Variants in GNAT3 observed in about 807,000 individuals in gnomAD.
GNAT3 encodes G protein subunit alpha transducin 3, also known as guanine nucleotide-binding protein G(t) subunit alpha-3.
A neutral mutation model predicts 37.7 loss-of-function variants in GNAT3; 31 were observed. That is an observed-to-expected ratio of 0.82 (90% CI 0.62 to 1.11). The LOEUF is 1.11. GNAT3 is among the 50% of genes most tolerant of loss of function. The pLI, the probability that GNAT3 is intolerant of heterozygous loss-of-function variation, is 0.00. For synonymous variants in GNAT3, 138 were observed against 139.8 expected, an observed-to-expected ratio of 0.99 and a Z score of 0.09; for missense variants, 437 against 412.5, an observed-to-expected ratio of 1.06 and a Z score of -0.51.
At chr7:80,495,241 A>G (rs556654724) in intron 1 of GNAT3, among the ~76,000 whole-genome samples, 5 of 152,134 alleles carry the variant, frequency 3.3e-5, no homozygotes, top group Non-Finnish European at 7.4e-5. Flanking sequence ...CTTTGGGTAC[A>G]TATGCTGTAG....
chr7:80,460,599 T>C (rs1401500798), intron 7 of GNAT3, among the ~76,000 whole-genome samples: 3 of 151,984 alleles, frequency 2.0e-5, no homozygotes, highest in Non-Finnish European at 4.4e-5. Flanking sequence ...AGTACAATAA[T>C]TAGCCGGGCG....
intron 5 of GNAT3, among the ~76,000 whole-genome samples, chr7:80,469,485 A>G (rs1425730009): frequency 1.3e-5 from 2 of 152,144 alleles, no homozygotes; most frequent in East Asian, 3.8e-4. Context: ...CTATAAAGAT[A>G]ATTTATTTTA....
chr7:80,488,619 A>G lies in GNAT3; in HGVS notation c.219T>C (p.Ile73=), dbSNP rs946515694. 1.3e-6 allele frequency: 2 copies of G among 1,592,052 alleles called. No individual in the cohort carries two copies. The highest frequency in any genetic ancestry group is 2.7e-5 in the African/African-American group (2 of 74,724). The change falls in exon 3 of 8, where the codon ATT becomes ATC. Residue 73 remains isoleucine (I), a synonymous_variant. Coordinates refer to ENST00000398291, the MANE Select transcript of GNAT3 (RefSeq NM_001102386.3). ...GGATGGATTGCAATGTATTACTGTA[A>G]ATTACTGCTTTGAACTCCATGCATT... is the stretch of plus-strand genomic sequence containing the variant. The part of the protein sequence containing the change: ...EQECMEFKAV[I]YSNTLQSILA...
chr7:80,460,077 G>A (rs1181057205), intron 7 of GNAT3, among the ~76,000 whole-genome samples: 1 of 152,128 alleles, frequency 6.6e-6, no homozygotes, highest in Admixed American at 6.5e-5. Context: ...GAGGAACCAA[G>A]ATGTCCTTCT....
At chr7:80,462,666 C>A (rs1164931282) in intron 5 of GNAT3, 35 bp from the exon 6 acceptor site, 1 of 1,565,202 alleles carries the variant, frequency 6.4e-7, no homozygotes. Flanking sequence ...ATAAATCTTG[C>A]AAATATCCTC....
intron 1 of GNAT3, among the ~76,000 whole-genome samples, chr7:80,498,908 T>C (rs918419327): frequency 3.3e-5 from 5 of 152,202 alleles, no homozygotes; most frequent in African/African-American, 1.2e-4. Context: ...AGGAATCCTG[T>C]TCTACATTTT....
intron 1 of GNAT3, among the ~76,000 whole-genome samples, chr7:80,499,571 G>A (rs1314635320): frequency 6.6e-6 from 1 of 152,106 alleles, no homozygotes; most frequent in Non-Finnish European, 1.5e-5. Flanking sequence ...ACTTTCAGAG[G>A]CATACTGGTA....
At chr7:80,484,327 T>C (rs942341018) in intron 3 of GNAT3, among the ~76,000 whole-genome samples, 1 of 152,116 alleles carries the variant, frequency 6.6e-6, no homozygotes, top group Non-Finnish European at 1.5e-5. Context: ...AAAAATACCA[T>C]GTTTTGTGGC....
chr7:80,461,894 A>G (rs903615964), intron 7 of GNAT3, among the ~76,000 whole-genome samples: 1 of 152,196 alleles, frequency 6.6e-6, no homozygotes, highest in Non-Finnish European at 1.5e-5. Flanking sequence ...TCAGGTTCCA[A>G]TGTCATTTGA....
intron 2 of GNAT3, among the ~76,000 whole-genome samples, chr7:80,493,247 G>A (rs1365629521): frequency 6.6e-6 from 1 of 152,034 alleles, no homozygotes; most frequent in East Asian, 1.9e-4. Context: ...GACAAGAGCA[G>A]GCAGATACTG....
chr7:80,472,313 A>G (rs775190830), intron 5 of GNAT3, among the ~76,000 whole-genome samples: 8 of 152,096 alleles, frequency 5.3e-5, no homozygotes, highest in Non-Finnish European at 8.8e-5. Flanking sequence ...CAAGAGCTAC[A>G]ATCAGCCAGC....
chr7:80,467,219 G>T (rs1326093234), intron 5 of GNAT3, among the ~76,000 whole-genome samples: 1 of 152,080 alleles, frequency 6.6e-6, no homozygotes, highest in Admixed American at 6.6e-5. Flanking sequence ...GACAAAGATT[G>T]CTCAGTCTTA....
rs544907601 is a variant in GNAT3 at position 80,512,023 on chromosome 7, C to A, written c.-97G>T. 2.6e-6 allele frequency: 2 copies of A among 761,464 alleles called. No homozygotes were observed. Among genetic ancestry groups the A allele is most frequent in the South Asian group, 3.1e-5 (2 of 64,842 alleles). 47.2% of individuals were successfully genotyped at this position (761,464 alleles called of 1,614,324 possible). On this transcript the variant is annotated 5_prime_UTR_variant, in exon 1 of 8. Transcript: ENST00000398291. ...CATAGGAGGCAAGAGTAATGCTCTG[C>A]TGAAGTACCTAGCAGTCCATTCCCT... is the stretch of plus-strand genomic sequence containing the variant.
chr7:80,490,570 T>C (rs557702767), intron 2 of GNAT3, among the ~76,000 whole-genome samples: 34 of 152,266 alleles, frequency 2.2e-4, no homozygotes, highest in Non-Finnish European at 4.1e-4. Flanking sequence ...TCCTAGATGG[T>C]CAAAAGGAGA....
chr7:80,478,749 T>C, intron 4 of GNAT3, 92 bp downstream of exon 4: 1 of 1,230,614 alleles, frequency 8.1e-7, no homozygotes, highest in Non-Finnish European at 1.1e-6. Context: ...TTTATTTTCC[T>C]CATTTGAATT....
At chr7:80,497,889 G>A (rs1391817023) in intron 1 of GNAT3, among the ~76,000 whole-genome samples, 2 of 151,928 alleles carry the variant, frequency 1.3e-5, no homozygotes, top group Non-Finnish European at 2.9e-5. Context: ...ACAATAAAGT[G>A]AAAATAATTT....
chr7:80,505,556 C>T (rs1790920350), intron 1 of GNAT3, among the ~76,000 whole-genome samples: 2 of 152,038 alleles, frequency 1.3e-5, no homozygotes, highest in African/African-American at 2.4e-5. Context: ...TTATTATAGA[C>T]GGGGTTTCAC....
chr7:80,476,293 A>G (rs1018652499), intron 4 of GNAT3, among the ~76,000 whole-genome samples: 25 of 151,698 alleles, frequency 1.6e-4, no homozygotes, highest in African/African-American at 5.8e-4. Flanking sequence ...TCTATAATCT[A>G]AAGCTTAGAC....
intron 5 of GNAT3, 21 bp from the exon 6 acceptor site, chr7:80,462,652 A>T (rs766686444): frequency 6.9e-6 from 11 of 1,600,916 alleles, no homozygotes; most frequent in Non-Finnish European, 9.4e-6. Flanking sequence ...ACATCAAATG[A>T]ATAATAAATC....
Sources: gnomAD v4.1 joint callset for allele counts (sites outside exome capture counted in the v4.1 genomes callset) on GRCh38, gnomAD v4.1.1 for gene constraint, MANE v1.5 for transcripts, NCBI Gene and HGNC (gene_info 2026-07-23, HGNC 2026-07-21) for gene names.